WDR17: variants seen among roughly 807,000 people sequenced by gnomAD.
The protein encoded by WDR17 is WD repeat domain 17.
Under a neutral mutation model 161.7 loss-of-function variants are expected in WDR17, and 143 were observed. The observed-to-expected ratio is 0.88, with a 90% CI of 0.77 to 1.02. The LOEUF (loss-of-function observed/expected upper bound fraction) is 1.02. Ranked by LOEUF, WDR17 falls within the 50% of genes least tolerant of loss-of-function variation. The pLI is 0.00. For synonymous variants in WDR17, 517 were observed against 515.6 expected (o/e 1.00, Z -0.04); for missense variants, 1,469 against 1,520.9 (o/e 0.97, Z 0.57).
Position 176,151,830 on chromosome 4 carries a change from AC to A in WDR17, c.2324del (p.Thr775LysfsTer21). On this transcript the variant is annotated frameshift_variant, in exon 17 of 29. Transcript: ENST00000508596. LOFTEE classifies it high-confidence loss of function. ...AAACCAGTCTGAAGCTCAAGAACTA[AC>A]AACAGTCAAGATGTCTAAATTTGGT... ...KFRTSEAQELTTVKMSKFGGG... is the reference protein window; with the variant it reads ...KFRTSEAQELXTVKMSKFGGG... The A allele has an allele frequency of 6.3e-7, 1 of 1,591,464 alleles. No homozygotes were observed. The highest frequency in any genetic ancestry group is 8.5e-7 in the Non-Finnish European group (1 of 1,173,238).
Position 176,092,174 on chromosome 4 carries a change from T to G in WDR17, c.-6-19401T>G, listed in dbSNP as rs549685202. Among the ~76,000 whole-genome samples, 92 of 152,286 alleles carry G rather than the reference T, an allele frequency of 6.0e-4. 1 individual carries two copies. Among genetic ancestry groups the G allele is most frequent in the African/African-American group, 2.2e-3 (91 of 41,562 alleles). ...GAAAATTAAAGGCCAGTGTTTCCGA[T>G]GAATATTGATGCAAAAATATTCAGC... On this transcript the variant is annotated intron_variant, in intron 1 of 28. Transcript: ENST00000508596.
intron 18 of WDR17, among the ~76,000 whole-genome samples, chr4:176,157,976 G>A (rs975073165): frequency 1.3e-5 from 2 of 152,196 alleles, no homozygotes; most frequent in Non-Finnish European, 2.9e-5. Flanking sequence ...GGAGGCTGCT[G>A]TAGCTGGAGT....
intron 17 of WDR17, among the ~76,000 whole-genome samples, chr4:176,154,201 G>C (rs13110700): frequency 0.69 from 105,094 of 152,030 alleles, 36,705 homozygotes; most frequent in African/African-American, 0.75. Flanking sequence ...GTGTCCTAAG[G>C]CGGGCACGGT....
intron 16 of WDR17, among the ~76,000 whole-genome samples, chr4:176,151,414 T>TA (rs1747093864): frequency 6.6e-6 from 1 of 152,154 alleles, no homozygotes; most frequent in Non-Finnish European, 1.5e-5. Context: ...CACCCCAAAA[T>TA]ATTATGTTTA....
Position 176,181,531 on chromosome 4 carries a change from A to G in WDR17, c.*1952A>G, listed in dbSNP as rs199656685. 21 of 220,514 alleles carry G rather than the reference A, an allele frequency of 9.5e-5. No homozygotes were observed. Among genetic ancestry groups the G allele is most frequent in the Non-Finnish European group, 1.9e-4 (21 of 112,390 alleles). The allele number at this position is 220,514 out of a possible 1,614,324, so 13.7% of individuals were successfully genotyped here. A position where few individuals can be genotyped will look rare whatever the true frequency, so the allele number is the denominator to read the frequency against. On this transcript the variant is annotated 3_prime_UTR_variant, in exon 29 of 29. Coordinates refer to ENST00000508596, the MANE Select transcript of WDR17 (RefSeq NM_181265.4). ...GAGAATATACACAACTCAGAGATGC[A>G]ATGGATAATATAAAAAGAGTACCTG...
intron 22 of WDR17, among the ~76,000 whole-genome samples, chr4:176,168,061 T>G (rs1436185872): frequency 6.6e-6 from 1 of 151,546 alleles, no homozygotes; most frequent in Non-Finnish European, 1.5e-5. Context: ...GCACAAAAAT[T>G]GCTTGAACCC....
At chr4:176,111,825 T>C in intron 2 of WDR17, 122 bp downstream of exon 2, 1 of 1,004,242 alleles carries the variant, frequency 1.0e-6, no homozygotes, top group Non-Finnish European at 1.3e-6. Context: ...ATATTTATAT[T>C]TTTAAAGTTT....
chr4:176,118,209 A>G (rs1740941808), intron 3 of WDR17, among the ~76,000 whole-genome samples: 1 of 152,208 alleles, frequency 6.6e-6, no homozygotes, highest in Admixed American at 6.5e-5. Flanking sequence ...GTGCTTGTAC[A>G]TAAGTCACTA....
At chr4:176,111,480 C>A in intron 1 of WDR17, 95 bp from the exon 2 acceptor site, 1 of 1,350,356 alleles carries the variant, frequency 7.4e-7, no homozygotes, top group South Asian at 1.9e-5. Context: ...TTTTTCAGGG[C>A]ACACAGGTAA....
chr4:176,071,311 C>A (rs922263530), intron 1 of WDR17, among the ~76,000 whole-genome samples: 12 of 137,368 alleles, frequency 8.7e-5, no homozygotes, highest in Non-Finnish European at 1.8e-4. Context: ...TGATTTCTCC[C>A]TTTTCTTTTT....
In WDR17 at chr4:176,162,228, G is replaced by C. The variant is rs1749141756; in HGVS notation, c.2850+54G>C. 50 of 1,514,282 alleles carry C rather than the reference G, an allele frequency of 3.3e-5. No homozygotes were observed. In the South Asian group the frequency reaches 5.9e-4, roughly 18 times the overall value. 93.8% of individuals were successfully genotyped at this position (1,514,282 alleles called of 1,614,324 possible). A position where few individuals can be genotyped will look rare whatever the true frequency, so the allele number is the denominator to read the frequency against. On this transcript the variant is annotated intron_variant, in intron 21 of 28. Transcript: ENST00000508596. The stretch of plus-strand genomic sequence containing the variant: ...ATGAAAAGTTTTTTAGATATGTCAT[G>C]GTGTTTGAGAGGAAAAGATATGGTG...
intron 1 of WDR17, among the ~76,000 whole-genome samples, chr4:176,075,772 A>G (rs1382581743): frequency 2.6e-5 from 4 of 151,980 alleles, no homozygotes; most frequent in Non-Finnish European, 1.5e-5. Flanking sequence ...ATAGTTCAAG[A>G]TCAGCTTGGG....
chr4:176,131,719 G>A lies in WDR17; in HGVS notation c.1079G>A (p.Trp360Ter). The change falls in exon 7 of 29, where the codon TGG becomes TAG. Residue 360 changes from tryptophan (W) to a stop codon, truncating the protein, a stop_gained. Transcript: ENST00000508596. LOFTEE classifies it high-confidence loss of function. ...CTTTATGATATGGGAGCTAAGAAGT[G>A]GGATTTTCTTAGAGACTTGGTATGT... ...VGLYDMGAKK[W>*]DFLRDLGHVE... 6.2e-7 allele frequency: 1 copy of A among 1,610,108 alleles called. No homozygotes were observed. Among genetic ancestry groups the A allele is most frequent in the Admixed American group, 1.7e-5 (1 of 59,460 alleles).
At chr4:176,148,813 A>G (rs1746620348) in intron 13 of WDR17, among the ~76,000 whole-genome samples, 1 of 152,178 alleles carries the variant, frequency 6.6e-6, no homozygotes, top group Admixed American at 6.5e-5. Context: ...TTTTTTTAAT[A>G]TAATTAATTG....
At chr4:176,113,961 A>C (rs995257117) in intron 2 of WDR17, among the ~76,000 whole-genome samples, 2 of 152,064 alleles carry the variant, frequency 1.3e-5, no homozygotes, top group Admixed American at 1.3e-4. Context: ...CATCATAGGA[A>C]TGCATCAGTA....
At chr4:176,122,009 G>A (rs10010573) in intron 4 of WDR17, among the ~76,000 whole-genome samples, 39,781 of 152,018 alleles carry the variant, frequency 0.26, 5,442 homozygotes, top group African/African-American at 0.33. Context: ...GATGTAAGAA[G>A]ACTATCACAA....
chr4:176,174,250 A>G (rs939034886), intron 25 of WDR17, among the ~76,000 whole-genome samples: 5 of 152,158 alleles, frequency 3.3e-5, no homozygotes, highest in Admixed American at 1.3e-4. Flanking sequence ...TCCCTCAGCA[A>G]GAATGCAGAA....
rs760592732 is a variant in WDR17 at position 176,131,618 on chromosome 4, A to G, written c.978A>G (p.Pro326=). 10 of 1,613,500 alleles carry G rather than the reference A, an allele frequency of 6.2e-6. No homozygotes were observed. Among genetic ancestry groups the G allele is most frequent in the Non-Finnish European group, 7.6e-6 (9 of 1,179,764 alleles). The stretch of plus-strand genomic sequence containing the variant: ...CAACAAGCGAAGCAGTTCCACCCCC[A>G]ACTTTAACACAGAATCAAGCATTTT... The part of the protein sequence containing the change: ...TSSTSEAVPP[P]TLTQNQAFSL... Residue 326 remains proline, a synonymous_variant, in exon 7 of 29, where the codon CCA becomes CCG. Coordinates refer to ENST00000508596, the MANE Select transcript of WDR17 (RefSeq NM_181265.4).
rs77740906 is a variant in WDR17, at chr4:176,092,957, G to C, written c.-6-18618G>C. Among the ~76,000 whole-genome samples the C allele has an allele frequency of 4.5e-4, 68 of 152,170 alleles. 1 individual carries two copies. In the East Asian group the frequency reaches 0.012, roughly 27 times the overall value. On this transcript the variant is annotated intron_variant, in intron 1 of 28. Transcript: ENST00000508596. The stretch of plus-strand genomic sequence containing the variant: ...CTTTGGTGGTTGAGGCATGAGAATC[G>C]CTTGAACCTGGGAGGCGGAGGTTGC...
Sources: gnomAD v4.1 joint callset for allele counts (sites outside exome capture counted in the v4.1 genomes callset) on GRCh38, gnomAD v4.1.1 for gene constraint, MANE v1.5 for transcripts, NCBI Gene and HGNC (gene_info 2026-07-23, HGNC 2026-07-21) for gene names.